The following GPC5 variants were observed in gnomAD, a reference collection of about 807,000 sequenced individuals.
GPC5 encodes the protein glypican 5, also known as glypican-5.
Under a neutral mutation model 53.9 loss-of-function variants are expected in GPC5, and 47 were observed. That is an observed-to-expected ratio of 0.87 (90% CI 0.69 to 1.11). The LOEUF is 1.11. Among genes scored for constraint, GPC5 ranks in the 50% most tolerant of loss-of-function variants. The pLI is 0.00. For synonymous variants in GPC5, 286 were observed against 263.3 expected, an observed-to-expected ratio of 1.09 and a Z score of -0.84; for missense variants, 748 against 713.1, an observed-to-expected ratio of 1.05 and a Z score of -0.56.
chr13:92,842,932 G>C (rs1878479860), intron 7 of GPC5, among the ~76,000 whole-genome samples: 1 of 151,988 alleles, frequency 6.6e-6, no homozygotes, highest in Non-Finnish European at 1.5e-5. Flanking sequence ...ACAATGACCT[G>C]GAAGGAAAAA....
At chr13:91,636,368 C>G (rs2034284389) in intron 2 of GPC5, among the ~76,000 whole-genome samples, 1 of 150,084 alleles carries the variant, frequency 6.7e-6, no homozygotes, top group African/African-American at 2.5e-5. Context: ...ATAGTGTATA[C>G]ACATTATATA....
At chr13:92,125,921 TTG>T (rs200393062) in intron 6 of GPC5, among the ~76,000 whole-genome samples, 1 of 46,144 alleles carries the variant, frequency 2.2e-5, no homozygotes, top group Non-Finnish European at 6.3e-5. Context: ...CATTTGTTTT[TTG>T]GTTTTTTTTT....
intron 7 of GPC5, among the ~76,000 whole-genome samples, chr13:92,649,066 A>C (rs1885864191): frequency 6.6e-6 from 1 of 152,252 alleles, no homozygotes; most frequent in South Asian, 2.1e-4. Flanking sequence ...TTGATATATT[A>C]TAACAATATC....
At chr13:91,439,898 C>T (rs1880293573) in intron 1 of GPC5, among the ~76,000 whole-genome samples, 1 of 152,292 alleles carries the variant, frequency 6.6e-6, no homozygotes, top group Non-Finnish European at 1.5e-5. Flanking sequence ...TTACTCCTGT[C>T]ATTGTAATCA....
chr13:92,533,539 G>GT (rs1274353886), intron 7 of GPC5, among the ~76,000 whole-genome samples: 3 of 148,726 alleles, frequency 2.0e-5, no homozygotes, highest in Non-Finnish European at 3.0e-5. Flanking sequence ...ATATAAGCAT[G>GT]TTTTTTTACA....
chr13:91,983,620 CA>C (rs1355921416), intron 6 of GPC5, among the ~76,000 whole-genome samples: 4 of 152,204 alleles, frequency 2.6e-5, no homozygotes, highest in African/African-American at 9.6e-5. Context: ...TCTCTCCAGA[CA>C]CTCGATTTGA....
chr13:92,314,245 T>C (rs2043164135), intron 7 of GPC5, among the ~76,000 whole-genome samples: 1 of 152,178 alleles, frequency 6.6e-6, no homozygotes, highest in Non-Finnish European at 1.5e-5. Context: ...TAATCCCTTT[T>C]GTCACAGCTT....
rs549525875 is a variant in GPC5, at chr13:91,467,953, A to T, written c.325+19031A>T. 3.3e-5 allele frequency among the ~76,000 whole-genome samples: 5 copies of T among 152,270 alleles called. No homozygotes were observed. The East Asian group carries it at 9.7e-4, about 29-fold the overall frequency. On this transcript the variant is annotated intron_variant, in intron 2 of 7. Coordinates refer to ENST00000377067, the MANE Select transcript of GPC5 (RefSeq NM_004466.6). ...AGGATTGGCCAGGTTTACTGCAGTT[A>T]TGTTGACCCCAGAATATCGCTGGCT...
chr13:91,926,860 G>A (rs1297944352), intron 6 of GPC5, among the ~76,000 whole-genome samples: 1 of 152,132 alleles, frequency 6.6e-6, no homozygotes, highest in African/African-American at 2.4e-5. Flanking sequence ...CAGTACAAAA[G>A]TACTATTTGA....
At chr13:92,190,379 A>G (rs183818509) in intron 7 of GPC5, among the ~76,000 whole-genome samples, 10 of 152,328 alleles carry the variant, frequency 6.6e-5, no homozygotes, top group African/African-American at 2.2e-4. Context: ...TCATATCTAC[A>G]TAGAGAAAGG....
intron 7 of GPC5, among the ~76,000 whole-genome samples, chr13:92,471,423 G>C (rs1311573325): frequency 6.6e-6 from 1 of 152,042 alleles, no homozygotes; most frequent in Non-Finnish European, 1.5e-5. Context: ...GAAAGAAAGG[G>C]AAGCTCCAAA....
chr13:92,704,242 CA>C (rs1170979565), intron 7 of GPC5, among the ~76,000 whole-genome samples: 3 of 151,912 alleles, frequency 2.0e-5, no homozygotes, highest in Non-Finnish European at 4.4e-5. Context: ...TCCAATGCAA[CA>C]AACATAAAAA....
At chr13:91,665,516 C>CTTTTTTTTTT (rs1555335537) in intron 2 of GPC5, among the ~76,000 whole-genome samples, 2 of 106,532 alleles carry the variant, frequency 1.9e-5, no homozygotes, top group Admixed American at 9.7e-5. Context: ...TTTTTTTTTT[C>CTTTTTTTTTT]TTTTGAGACG....
chr13:92,625,879 G>A (rs191438703), intron 7 of GPC5, among the ~76,000 whole-genome samples: 122 of 152,262 alleles, frequency 8.0e-4, no homozygotes, highest in African/African-American at 2.8e-3. Context: ...CCAGAGTGAG[G>A]TGGTCACATG....
At chr13:91,401,455 AAG>A (rs994803425) in intron 1 of GPC5, among the ~76,000 whole-genome samples, 1 of 152,222 alleles carries the variant, frequency 6.6e-6, no homozygotes, top group Admixed American at 6.5e-5. Context: ...CCTCAATCTC[AAG>A]AGAGAACATA....
At chr13:91,651,993 G>A (rs904171797) in intron 2 of GPC5, among the ~76,000 whole-genome samples, 8 of 152,260 alleles carry the variant, frequency 5.3e-5, no homozygotes, top group Non-Finnish European at 1.2e-4. Context: ...GAGTTAGGAG[G>A]TCTGGCCTCT....
chr13:92,665,772 T>C (rs750978282), intron 7 of GPC5, among the ~76,000 whole-genome samples: 9 of 152,184 alleles, frequency 5.9e-5, no homozygotes, highest in African/African-American at 1.9e-4. Flanking sequence ...CTTCAAAGCT[T>C]AGTCAGGAGG....
intron 7 of GPC5, among the ~76,000 whole-genome samples, chr13:92,217,255 A>G (rs1422855729): frequency 6.6e-6 from 1 of 152,228 alleles, no homozygotes; most frequent in African/African-American, 2.4e-5. Context: ...TGTACTGACA[A>G]GGTTCTTTGC....
intron 7 of GPC5, among the ~76,000 whole-genome samples, chr13:92,504,830 C>T (rs577672456): frequency 6.6e-6 from 1 of 151,988 alleles, no homozygotes; most frequent in Admixed American, 6.6e-5. Context: ...TAAAAATTAG[C>T]TCTAAATTGA....
Sources: allele counts gnomAD v4.1 joint callset (sites outside exome capture counted in the v4.1 genomes callset), GRCh38; gene constraint gnomAD v4.1.1; transcripts MANE v1.5; gene names NCBI Gene and HGNC (gene_info 2026-07-23, HGNC 2026-07-21).